Variants in MSANTD1 observed in about 807,000 individuals in gnomAD.
MSANTD1 encodes the protein Myb/SANT DNA binding domain containing 1.
In MSANTD1, 7 loss-of-function variants were observed where a neutral mutation model predicts 24.2. That is an observed-to-expected ratio of 0.29 (90% CI 0.16 to 0.54). The LOEUF is 0.54. Ranked by LOEUF, MSANTD1 falls within the 20% of genes least tolerant of loss-of-function variation. MSANTD1 has a pLI of 0.94. For synonymous variants in MSANTD1, 177 were observed against 181.1 expected, an observed-to-expected ratio of 0.98 and a Z score of 0.18; for missense variants, 384 against 408.2, an observed-to-expected ratio of 0.94 and a Z score of 0.51.
rs1722370541 is a variant in MSANTD1, at chr4:3,255,855, G to C, written c.727G>C (p.Glu243Gln). ...CCGCGCCGTGGAGGAGACCTGCCGC[G>C]AGGTGCGCCGCGTGCTGGACCAGCA... ...LSRAVEETCR[E>Q]VRRVLDQQHI... The change falls in exon 3 of 3, where the codon GAG (glutamate) becomes CAG (glutamine). Residue 243 changes from glutamate to glutamine, a missense_variant. Coordinates refer to ENST00000438480, the MANE Select transcript of MSANTD1 (RefSeq NM_001042690.2). 6.5e-7 allele frequency: 1 copy of C among 1,545,250 alleles called. No individual in the cohort carries two copies. The highest frequency in any genetic ancestry group is 8.7e-7 in the Non-Finnish European group (1 of 1,146,506).
At chr4:3,254,529 G>A (rs1336360740) in intron 2 of MSANTD1, among the ~76,000 whole-genome samples, 3 of 152,194 alleles carry the variant, frequency 2.0e-5, no homozygotes, top group Admixed American at 6.5e-5. Flanking sequence ...CGGATCTCAC[G>A]CCCCTGAGGT....
At chr4:3,250,271 T>G (rs1722182665) in intron 1 of MSANTD1, among the ~76,000 whole-genome samples, 1 of 152,168 alleles carries the variant, frequency 6.6e-6, no homozygotes, top group Admixed American at 6.5e-5. Context: ...CCTCTGCTCC[T>G]GCTACATGGC....
In MSANTD1 at chr4:3,252,750, G is replaced by A. The variant is rs149115438; in HGVS notation, c.321-457G>A. Reference sequence around the variant, plus strand: ...GTCGCTCCCTGAGGCATTCTCTCCCGAACAACACAGTTATTATATTACAAA... The same window carrying A: ...GTCGCTCCCTGAGGCATTCTCTCCCAAACAACACAGTTATTATATTACAAA... On this transcript the variant is annotated intron_variant, in intron 1 of 2. Coordinates refer to ENST00000438480, the MANE Select transcript of MSANTD1 (RefSeq NM_001042690.2). Among the ~76,000 whole-genome samples, 848 of 152,254 alleles carry A rather than the reference G, an allele frequency of 5.6e-3. 5 individuals are homozygous for A. The highest frequency in any genetic ancestry group is 0.013 in the African/African-American group (543 of 41,528).
intron 1 of MSANTD1, among the ~76,000 whole-genome samples, chr4:3,250,593 G>T (rs1306787018): frequency 6.6e-6 from 1 of 152,204 alleles, no homozygotes; most frequent in Non-Finnish European, 1.5e-5. Flanking sequence ...CGGAGCGAGG[G>T]TGGCAGCAAG....
At chr4:3,247,315 G>C (rs1267388608), upstream of MSANTD1, among the ~76,000 whole-genome samples, 2 of 152,190 alleles carry the variant, frequency 1.3e-5, no homozygotes, top group Non-Finnish European at 2.9e-5. Context: ...CAGAACCACT[G>C]CTGGGACCCC....
intron 1 of MSANTD1, among the ~76,000 whole-genome samples, chr4:3,250,657 G>A (rs980203775): frequency 2.6e-5 from 4 of 152,178 alleles, no homozygotes; most frequent in African/African-American, 4.8e-5. Context: ...CCCTGTGGGC[G>A]GCCTGGACAG....
intron 1 of MSANTD1, among the ~76,000 whole-genome samples, chr4:3,252,996 C>T (rs1177622742): frequency 6.6e-6 from 1 of 152,218 alleles, no homozygotes; most frequent in African/African-American, 2.4e-5. Context: ...TTTTTAACAT[C>T]TGAGCCCGTG....
rs777017880 is a variant in MSANTD1, at chr4:3,253,427, C to T, written c.541C>T (p.Arg181Cys). The T allele has an allele frequency of 6.7e-5, 107 of 1,592,070 alleles. No individual in the cohort carries two copies. In the Middle Eastern group the frequency reaches 3.2e-3, roughly 47 times the overall value. ...FPYNQCSYEGRFEDDRSDSSS... is the reference protein window; with the variant it reads ...FPYNQCSYEGCFEDDRSDSSS... ...GTATAACCAGTGCTCCTACGAAGGC[C>T]GCTTCGAGGATGATCGCTCCGACAG... Residue 181 changes from arginine to cysteine, a missense_variant, in exon 2 of 3, where the codon CGC becomes TGC. Transcript: ENST00000438480.
chr4:3,248,017 G>A (rs1350880088), upstream of MSANTD1: 1 of 152,394 alleles, frequency 6.6e-6, no homozygotes, highest in Non-Finnish European at 1.5e-5. Context: ...GGAGGGCAGG[G>A]GGGTGCCTGC....
intron 1 of MSANTD1, among the ~76,000 whole-genome samples, chr4:3,251,125 T>A (rs3129322): frequency 6.6e-6 from 1 of 152,036 alleles, no homozygotes; most frequent in Non-Finnish European, 1.5e-5. Context: ...TCTTCAGAGG[T>A]TCGGTGGACA....
upstream of MSANTD1, among the ~76,000 whole-genome samples, chr4:3,247,126 G>T (rs1722053662): frequency 6.6e-6 from 1 of 152,178 alleles, no homozygotes; most frequent in African/African-American, 2.4e-5. Flanking sequence ...TTGTGGAAGG[G>T]GGTAGAGGGC....
chr4:3,244,447 G>C (rs1721957529), upstream of MSANTD1: 1 of 152,358 alleles, frequency 6.6e-6, no homozygotes, highest in African/African-American at 2.4e-5. Context: ...CCCTGGCCCA[G>C]CTGCTCCCAG....
chr4:3,245,983 T>C (rs1016055816), upstream of MSANTD1, among the ~76,000 whole-genome samples: 1 of 152,154 alleles, frequency 6.6e-6, no homozygotes, highest in Non-Finnish European at 1.5e-5. Flanking sequence ...CTGCCCTCCA[T>C]GCTTGGTCAG....
rs1276704833 is a variant in MSANTD1, at chr4:3,249,370, G to A, written c.148G>A (p.Glu50Lys). Residue 50 changes from glutamate (E) to lysine (K), a missense_variant, in exon 1 of 3, where the codon GAG becomes AAG. Transcript: ENST00000438480. ...HRRARNWTDA[E>K]MRGLMLVWEE... is the part of the protein sequence containing the mutation. ...GCGGGCCCGCAACTGGACGGACGCC[G>A]AGATGCGCGGCCTCATGCTGGTCTG... The A allele has an allele frequency of 6.4e-6, 10 of 1,569,846 alleles. No individual in the cohort carries two copies. Among genetic ancestry groups the A allele is most frequent in the African/African-American group, 4.0e-5 (3 of 74,192 alleles).
intron 2 of MSANTD1, among the ~76,000 whole-genome samples, chr4:3,255,260 T>C (rs1210031505): frequency 2.0e-5 from 3 of 150,860 alleles, no homozygotes; most frequent in Non-Finnish European, 3.0e-5. Flanking sequence ...AGACGGAGTC[T>C]CGCTCTTGTG....
chr4:3,246,680 C>T (rs561204577), upstream of MSANTD1: 1 of 697,274 alleles, frequency 1.4e-6, no homozygotes, highest in Non-Finnish European at 2.6e-6. Flanking sequence ...GGTACGAGCC[C>T]CTCCCCAGCA....
upstream of MSANTD1, chr4:3,248,902 G>A (rs1031199681): frequency 1.0e-5 from 3 of 287,110 alleles, no homozygotes; most frequent in South Asian, 3.2e-4. Context: ...CTTGGCCTGC[G>A]TGAGCCGGGG....
At chr4:3,244,581 G>A (rs1045387027), upstream of MSANTD1, 5 of 152,296 alleles carry the variant, frequency 3.3e-5, no homozygotes, top group African/African-American at 1.2e-4. Context: ...ACTCCAAGAA[G>A]CCTCTGCTCA....
Position 3,254,815 on chromosome 4 carries a change from C to G in MSANTD1, c.597-910C>G, listed in dbSNP as rs189959658. Among the ~76,000 whole-genome samples the G allele has an allele frequency of 6.6e-5, 10 of 152,372 alleles. No individual in the cohort carries two copies. In the East Asian group the frequency reaches 1.9e-3, roughly 29 times the overall value. The stretch of plus-strand genomic sequence containing the variant: ...CCTCTAGGTGCCTGTCCTTCTGCCT[C>G]TCTACCAAGGTGTGCCGGCCCCATT... On this transcript the variant is annotated intron_variant, in intron 2 of 2. Coordinates refer to ENST00000438480, the MANE Select transcript of MSANTD1 (RefSeq NM_001042690.2).
Sources: gnomAD v4.1 joint callset for allele counts (sites outside exome capture counted in the v4.1 genomes callset) on GRCh38, gnomAD v4.1.1 for gene constraint, MANE v1.5 for transcripts, NCBI Gene and HGNC (gene_info 2026-07-23, HGNC 2026-07-21) for gene names.